ZSCAN5A: variants seen among roughly 807,000 people sequenced by gnomAD.
ZSCAN5A encodes the protein zinc finger and SCAN domain containing 5A, also known as zinc finger and SCAN domain-containing protein 5A.
In ZSCAN5A, 12 loss-of-function variants were observed where a neutral mutation model predicts 23.7. That is an observed-to-expected ratio of 0.51 (90% CI 0.32 to 0.82). The LOEUF is 0.82. Ranked by LOEUF, ZSCAN5A falls within the 40% of genes least tolerant of loss-of-function variation. The probability of loss-of-function intolerance (pLI) is 0.03; values close to 1 mark genes in which losing one functional copy is unlikely to be tolerated. For missense variants in ZSCAN5A, 597 were observed against 617.9 expected, an observed-to-expected ratio of 0.97 and a Z score of 0.36; for synonymous variants, 257 against 239.9, an observed-to-expected ratio of 1.07 and a Z score of -0.66.
chr19:56,242,934 A>G (rs1457729528), intron 2 of ZSCAN5A, among the ~76,000 whole-genome samples: 1 of 151,976 alleles, frequency 6.6e-6, no homozygotes, highest in Non-Finnish European at 1.5e-5. Flanking sequence ...ACGTGCCACC[A>G]TGCCCGGCTA....
chr19:56,236,823 A>C (rs113323080), intron 2 of ZSCAN5A, among the ~76,000 whole-genome samples: 4 of 137,760 alleles, frequency 2.9e-5, no homozygotes, highest in African/African-American at 8.2e-5. Flanking sequence ...CGGTGGGCCA[A>C]GCCTCCACTC....
In ZSCAN5A at chr19:56,360,782, A is replaced by G. The variant is rs1352457109; in HGVS notation, c.-358+2453T>C. ...CATACAGGACACATAAGCATGGGCA[A>G]AGATTTTATGATGAAATCTCTAAAA... is the stretch of plus-strand genomic sequence containing the variant. On this transcript the variant is annotated intron_variant, in intron 2 of 6. Coordinates refer to the ZSCAN5A transcript ENST00000587340. Among the ~76,000 whole-genome samples the G allele has an allele frequency of 2.0e-5, 3 of 152,324 alleles. No individual in the cohort carries two copies. In the East Asian group the frequency reaches 5.8e-4, roughly 29 times the overall value.
chr19:56,282,199 C>T (rs1029045592), intron 2 of ZSCAN5A, among the ~76,000 whole-genome samples: 24 of 152,090 alleles, frequency 1.6e-4, no homozygotes, highest in Admixed American at 1.6e-3. Context: ...TTATGGAGAC[C>T]TTCCTTATGC....
At chr19:56,280,673 C>A (rs899068310) in intron 2 of ZSCAN5A, 1 of 152,056 alleles carries the variant, frequency 6.6e-6, no homozygotes, top group African/African-American at 2.4e-5. Flanking sequence ...GGGTTGGCAT[C>A]TTGTGAGAGC....
chr19:56,356,976 T>G (rs375831796), intron 2 of ZSCAN5A, among the ~76,000 whole-genome samples: 2 of 148,978 alleles, frequency 1.3e-5, no homozygotes, highest in East Asian at 3.9e-4. Context: ...TAAGATTACC[T>G]TGATTTTTAT....
chr19:56,288,196 T>C (rs999774215), intron 2 of ZSCAN5A, among the ~76,000 whole-genome samples: 1 of 152,180 alleles, frequency 6.6e-6, no homozygotes, highest in Non-Finnish European at 1.5e-5. Context: ...GAGCTCCAGA[T>C]ACTCTCCAGC....
At chr19:56,336,526 C>A (rs1426232159) in intron 2 of ZSCAN5A, among the ~76,000 whole-genome samples, 1 of 151,160 alleles carries the variant, frequency 6.6e-6, no homozygotes, top group Non-Finnish European at 1.5e-5. Flanking sequence ...GCCATTGGTT[C>A]GAACTTCCTC....
At chr19:56,272,260 G>A (rs1005242395) in intron 2 of ZSCAN5A, among the ~76,000 whole-genome samples, 1 of 152,160 alleles carries the variant, frequency 6.6e-6, no homozygotes, top group Non-Finnish European at 1.5e-5. Context: ...TTTACAGTAC[G>A]TCTAGGACAG....
At chr19:56,265,313 A>G (rs1000256183) in intron 2 of ZSCAN5A, among the ~76,000 whole-genome samples, 2 of 149,634 alleles carry the variant, frequency 1.3e-5, no homozygotes, top group African/African-American at 2.5e-5. Flanking sequence ...TCACTTCTCA[A>G]TCTTTCACCT....
At chr19:56,288,876 A>G (rs1366766668) in intron 2 of ZSCAN5A, among the ~76,000 whole-genome samples, 1 of 152,178 alleles carries the variant, frequency 6.6e-6, no homozygotes, top group Non-Finnish European at 1.5e-5. Context: ...GCCTCCAGAT[A>G]GGACAGAAGA....
intron 3 of ZSCAN5A, chr19:56,224,349 T>C: frequency 4.9e-6 from 2 of 407,690 alleles, no homozygotes; most frequent in Admixed American, 4.1e-5. Flanking sequence ...AGTGTGTGGG[T>C]CCCTGTACCC....
chr19:56,294,109 G>A (rs538660258), intron 2 of ZSCAN5A, among the ~76,000 whole-genome samples: 2 of 152,266 alleles, frequency 1.3e-5, no homozygotes, highest in South Asian at 2.1e-4. Flanking sequence ...AGACCCAGCA[G>A]GAAAATCCCA....
At chr19:56,247,230 A>G in intron 2 of ZSCAN5A, 1 of 462,064 alleles carries the variant, frequency 2.2e-6, no homozygotes, top group Non-Finnish European at 4.0e-6. Flanking sequence ...AGCCCTACAC[A>G]TGTGACATCT....
chr19:56,302,585 T>TCCTTTTCTTCCTCCCCCTC (rs2040385080), intron 2 of ZSCAN5A, among the ~76,000 whole-genome samples: 2 of 43,772 alleles, frequency 4.6e-5, no homozygotes, highest in East Asian at 9.2e-4. Flanking sequence ...TCCTCCCCCT[T>TCCTTTTCTTCCTCCCCCTC]TTCTTCCTCT....
chr19:56,223,968 C>T, intron 3 of ZSCAN5A, 134 bp from the exon 4 acceptor site: 3 of 819,430 alleles, frequency 3.7e-6, no homozygotes. Context: ...AGAGAGTCAG[C>T]TCTGTGGACA....
At position 56,260,301 on chromosome 19, in the gene ZSCAN5A, G is replaced by T. The variant is rs182470096; in HGVS notation, c.-127-35128C>A. 1.5e-3 allele frequency among the ~76,000 whole-genome samples: 211 copies of T among 144,942 alleles called. 2 individuals carry two copies. In the East Asian group the frequency reaches 0.04, roughly 27 times the overall value. ...GCGATCTCGGCTCACTGCAACCTCC[G>T]CTTCCAGGGTTCAAGCAATTCTCCT... On this transcript the variant is annotated intron_variant, in intron 2 of 5. Coordinates refer to ENST00000683990, the MANE Select transcript of ZSCAN5A (RefSeq NM_001322064.3).
At chr19:56,266,361 A>C (rs944684093) in intron 2 of ZSCAN5A, 1 of 152,180 alleles carries the variant, frequency 6.6e-6, no homozygotes, top group African/African-American at 2.4e-5. Context: ...GTTAAATGAG[A>C]TGATAATGTG....
chr19:56,322,408 T>A, intron 2 of ZSCAN5A: 1 of 595,160 alleles, frequency 1.7e-6, no homozygotes, highest in South Asian at 1.7e-5. Context: ...TACAAATTTG[T>A]CCAGGAGGCG....
At chr19:56,261,740 T>G (rs1289250057) in intron 2 of ZSCAN5A, among the ~76,000 whole-genome samples, 1 of 152,182 alleles carries the variant, frequency 6.6e-6, no homozygotes, top group Non-Finnish European at 1.5e-5. Flanking sequence ...CACCAAAAAC[T>G]GATATTATTG....
Sources: gnomAD v4.1 joint callset for allele counts (sites outside exome capture counted in the v4.1 genomes callset) on GRCh38, gnomAD v4.1.1 for gene constraint, MANE v1.5 for transcripts, NCBI Gene and HGNC (gene_info 2026-07-23, HGNC 2026-07-21) for gene names.